Variants in SEC22B observed in about 807,000 individuals in gnomAD.
The protein encoded by SEC22B is vesicle-trafficking protein SEC22b.
In SEC22B, 10 loss-of-function variants were observed where a neutral mutation model predicts 31.4. The ratio of observed to expected loss-of-function variants is 0.32; its 90% CI spans 0.20 to 0.54. The LOEUF (loss-of-function observed/expected upper bound fraction) is 0.54. Among genes scored for constraint, SEC22B ranks in the 20% least tolerant of loss-of-function variants. SEC22B has a pLI of 0.94. For synonymous variants in SEC22B, 60 were observed against 95.9 expected, an observed-to-expected ratio of 0.63 and a Z score of 2.19; for missense variants, 130 against 263.4, an observed-to-expected ratio of 0.49 and a Z score of 3.50.
chr1:120,159,829 T>C (rs1323294375), intron 4 of SEC22B, among the ~76,000 whole-genome samples: 1 of 152,030 alleles, frequency 6.6e-6, no homozygotes, highest in Non-Finnish European at 1.5e-5. Flanking sequence ...GTTTGTGAAC[T>C]AGAGAATGAC....
intron 2 of SEC22B, among the ~76,000 whole-genome samples, chr1:120,163,748 G>T (rs1406446040): frequency 6.6e-6 from 1 of 150,854 alleles, no homozygotes; most frequent in Non-Finnish European, 1.5e-5. Flanking sequence ...GCTAATTTTT[G>T]TATTTTTAGT....
At chr1:120,167,814 C>T (rs1247617642) in intron 2 of SEC22B, among the ~76,000 whole-genome samples, 4 of 152,168 alleles carry the variant, frequency 2.6e-5, no homozygotes, top group Non-Finnish European at 4.4e-5. Context: ...AATCTCTTCT[C>T]AATTCCATGA....
Position 120,160,736 on chromosome 1 carries a change from A to T in SEC22B, c.347-206T>A, listed in dbSNP as rs1367496233. ...AACCCCGTCTCTACTAAAAATATAA[A>T]AAGTTAGCCAGGCGTGGCGGCACAC... is the stretch of plus-strand genomic sequence containing the variant. On this transcript the variant is annotated intron_variant, in intron 3 of 4. Transcript: ENST00000578049. 1.2e-3 allele frequency among the ~76,000 whole-genome samples: 175 copies of T among 152,106 alleles called. 2 individuals carry two copies. Among genetic ancestry groups the T allele is most frequent in the Non-Finnish European group, 2.2e-3 (147 of 67,988 alleles).
chr1:120,167,106 A>G (rs1340570395), intron 2 of SEC22B, among the ~76,000 whole-genome samples: 1 of 150,702 alleles, frequency 6.6e-6, no homozygotes, highest in Non-Finnish European at 1.5e-5. Flanking sequence ...CAGCTGTCTT[A>G]TTCCTTGCTT....
chr1:120,176,349 C>G lies in SEC22B; in HGVS notation c.33G>C (p.Ala11=). The stretch of plus-strand genomic sequence containing the variant: ...TCGAGGCGGCCAGCGGGAGCCCGTC[C>G]GCCACTCGGGCGATCATTGTTAGCA... MVLLTMIARV[A]DGLPLAASMQ... is the part of the protein sequence containing the mutation. The change falls in exon 1 of 5, where the codon GCG becomes GCC. Residue 11 remains alanine, a synonymous_variant. Coordinates refer to ENST00000578049, the MANE Select transcript of SEC22B (RefSeq NM_004892.6). 6.2e-7 allele frequency: 1 copy of G among 1,613,466 alleles called. No homozygotes were observed. The highest frequency in any genetic ancestry group is 8.5e-7 in the Non-Finnish European group (1 of 1,179,840).
intron 3 of SEC22B, 37 bp from the exon 4 acceptor site, chr1:120,160,567 G>A (rs1182624068): frequency 2.4e-5 from 36 of 1,521,160 alleles, no homozygotes; most frequent in Non-Finnish European, 2.9e-5. Context: ...TTCTTTCATG[G>A]CCATCAAAGT....
At position 120,176,210 on chromosome 1, in the gene SEC22B, G is replaced by T. The variant is rs1553230182; in HGVS notation, c.75+97C>A. The T allele has an allele frequency of 1.4e-3, 1,621 of 1,178,124 alleles. 3 individuals are homozygous for T. The highest frequency in any genetic ancestry group is 1.7e-3 in the Non-Finnish European group (1,374 of 822,210). 73.0% of individuals were successfully genotyped at this position (1,178,124 alleles called of 1,614,324 possible). A position where few individuals can be genotyped will look rare whatever the true frequency, so the allele number is the denominator to read the frequency against. ...CAGAGAGGTCGGGAGTGCCCGGGAA[G>T]TCACAAAGGTCTCCCGGTCCTAGGA... On this transcript the variant is annotated intron_variant, in intron 1 of 4. Transcript: ENST00000578049.
In SEC22B at chr1:120,156,208, C is replaced by CCTTT. The variant is rs1657624750; in HGVS notation, c.*826_*829dup. The CCTTT allele has an allele frequency of 6.6e-6, 1 of 151,920 alleles. No homozygotes were observed. The highest frequency in any genetic ancestry group is 1.5e-5 in the Non-Finnish European group (1 of 67,918). The allele number at this position is 151,920 out of a possible 1,614,324, so 9.4% of individuals were successfully genotyped here. ...AAGCTGTAATTATAACCTGGGCCTG[C>CCTTT]CTTTGTTCTCATGAAGCCAGGGGCC... On this transcript the variant is annotated 3_prime_UTR_variant, in exon 5 of 5. Transcript: ENST00000578049.
chr1:120,168,473 T>C (rs1396644902), intron 2 of SEC22B, among the ~76,000 whole-genome samples: 2 of 152,160 alleles, frequency 1.3e-5, no homozygotes, highest in African/African-American at 2.4e-5. Flanking sequence ...TTATTTTCAC[T>C]ACTTTATAGA....
In SEC22B at chr1:120,151,505, A is replaced by C. The variant is rs1657538057; in HGVS notation, c.*5533T>G. 1 of 152,144 alleles carries C rather than the reference A, an allele frequency of 6.6e-6. No individual in the cohort carries two copies. Among genetic ancestry groups the C allele is most frequent in the African/African-American group, 2.4e-5 (1 of 41,388 alleles). 9.4% of individuals were successfully genotyped at this position (152,144 alleles called of 1,614,324 possible). ...AGACGGTGAAACTCCATCTCTACTA[A>C]AAATACAAAAATTAGCCAGGAGCTG... On this transcript the variant is annotated 3_prime_UTR_variant, in exon 5 of 5. Transcript: ENST00000578049.
In SEC22B at chr1:120,176,412, C is replaced by G; in HGVS notation, c.-31G>C. 6.2e-7 allele frequency: 1 copy of G among 1,604,244 alleles called. No homozygotes were observed. Among genetic ancestry groups the G allele is most frequent in the Non-Finnish European group, 8.5e-7 (1 of 1,172,102 alleles). On this transcript the variant is annotated 5_prime_UTR_variant, in exon 1 of 5. Transcript: ENST00000578049. ...CAAACTACAGGGATCCAACACTGGC[C>G]CGGAAGGCCCTTGGCGCCGTCCTCA... is the stretch of plus-strand genomic sequence containing the variant.
Position 120,175,372 on chromosome 1 carries a change from T to A in SEC22B, c.75+935A>T, listed in dbSNP as rs1161097044. On this transcript the variant is annotated intron_variant, in intron 1 of 4. Coordinates refer to ENST00000578049, the MANE Select transcript of SEC22B (RefSeq NM_004892.6). ...TGAATGAAAAGTCCAACAGAAGAAA[T>A]GTGCAAACTATTTTTTCAATATCTC... Among the ~76,000 whole-genome samples the A allele has an allele frequency of 1.9e-4, 22 of 118,158 alleles. No homozygotes were observed. In the East Asian group the frequency reaches 5.1e-3, roughly 27 times the overall value. 77.5% of individuals were successfully genotyped at this position (118,158 alleles called of 152,430 possible).
intron 4 of SEC22B, 42 bp from the exon 5 acceptor site, chr1:120,157,234 A>C: frequency 2.3e-6 from 3 of 1,281,804 alleles, no homozygotes; most frequent in Non-Finnish European, 3.1e-6. Flanking sequence ...TAGTCCCTGG[A>C]AGTATTTTAC....
rs1657749924 is a variant in SEC22B, at chr1:120,163,349, C to T, written c.207G>A (p.Val69=). The change falls in exon 3 of 5, where the codon GTG becomes GTA. Residue 69 remains valine (V), a synonymous_variant. Transcript: ENST00000578049. ...CAGCTTCACATAAAACCAAATAACA[C>T]ACCCCCTGCTCAATAATGTAGCTGG... ...MTFHYIIEQG[V]CYLVLCEAAF... The T allele has an allele frequency of 1.9e-5, 31 of 1,604,044 alleles. No homozygotes were observed. The highest frequency in any genetic ancestry group is 2.6e-5 in the Non-Finnish European group (31 of 1,175,338).
At chr1:120,176,117 C>T (rs1438952374) in intron 1 of SEC22B, among the ~76,000 whole-genome samples, 190 bp downstream of exon 1, 1 of 152,212 alleles carries the variant, frequency 6.6e-6, no homozygotes, top group Non-Finnish European at 1.5e-5. Flanking sequence ...AAAAACTTAA[C>T]TCCTCCTTCA....
In SEC22B at chr1:120,151,050, T is replaced by A. The variant is rs2101122869; in HGVS notation, c.*5988A>T. The stretch of plus-strand genomic sequence containing the variant: ...ACCTAATTACCTCTTAAAAGTACCA[T>A]CTCCCAACACTATTACATTGGCAAT... On this transcript the variant is annotated 3_prime_UTR_variant, in exon 5 of 5. Transcript: ENST00000578049. 6.6e-6 allele frequency: 1 copy of A among 152,224 alleles called. No individual in the cohort carries two copies. Among genetic ancestry groups the A allele is most frequent in the Middle Eastern group, 3.4e-3 (1 of 294 alleles). The allele number at this position is 152,224 out of a possible 1,614,324, so 9.4% of individuals were successfully genotyped here.
At chr1:120,161,937 T>C (rs1258838169) in intron 3 of SEC22B, among the ~76,000 whole-genome samples, 3 of 131,152 alleles carry the variant, frequency 2.3e-5, no homozygotes, top group Non-Finnish European at 4.5e-5. Flanking sequence ...CAAGACTCCT[T>C]GCTCTGTGCC....
intron 1 of SEC22B, among the ~76,000 whole-genome samples, 179 bp downstream of exon 1, chr1:120,176,128 G>A (rs1657957079): frequency 1.3e-5 from 2 of 152,156 alleles, no homozygotes; most frequent in African/African-American, 4.8e-5. Flanking sequence ...TCCTCCTTCA[G>A]GAAAGATTTC....
chr1:120,164,001 C>G (rs1411088313), intron 2 of SEC22B, among the ~76,000 whole-genome samples: 4 of 121,770 alleles, frequency 3.3e-5, no homozygotes, highest in Non-Finnish European at 6.4e-5. Context: ...ACCCAGATTA[C>G]CCAGGCTGGA....
Sources: allele counts gnomAD v4.1 joint callset (sites outside exome capture counted in the v4.1 genomes callset), GRCh38; gene constraint gnomAD v4.1.1; transcripts MANE v1.5; gene names NCBI Gene and HGNC (gene_info 2026-07-23, HGNC 2026-07-21).